Variants in SPATA6L observed in about 807,000 individuals in gnomAD.
SPATA6L encodes the protein spermatogenesis associated 6-like protein.
SPATA6L carries 68 observed loss-of-function variants against 49.2 expected under a neutral mutation model. The ratio of observed to expected loss-of-function variants is 1.38; its 90% confidence interval spans 1.14 to 1.69. The LOEUF is 1.69. SPATA6L is among the 40% of genes most tolerant of loss of function. The pLI, the probability that SPATA6L is intolerant of heterozygous loss-of-function variation, is 0.00. For synonymous variants in SPATA6L, 198 were observed against 165.7 expected, an observed-to-expected ratio of 1.19 and a Z score of -1.50; for missense variants, 668 against 464.3, an observed-to-expected ratio of 1.44 and a Z score of -4.03.
chr9:4,654,346 T>C (rs1837606663), intron 3 of SPATA6L, among the ~76,000 whole-genome samples: 1 of 152,186 alleles, frequency 6.6e-6, no homozygotes, highest in Non-Finnish European at 1.5e-5. Context: ...TCTTCAGTGC[T>C]CCGCTGCTCA....
intron 4 of SPATA6L, 47 bp downstream of exon 4, chr9:4,635,228 A>G (rs1564237530): frequency 6.8e-7 from 1 of 1,466,192 alleles, no homozygotes; most frequent in Non-Finnish European, 9.0e-7. Context: ...TTCAGGTCCC[A>G]AGAGTTTCTC....
intron 3 of SPATA6L, among the ~76,000 whole-genome samples, chr9:4,647,887 G>T (rs531422644): frequency 6.6e-6 from 1 of 151,362 alleles, no homozygotes; most frequent in Admixed American, 6.6e-5. Context: ...CAGGGTGGAG[G>T]GCAGTGGTGC....
intron 4 of SPATA6L, among the ~76,000 whole-genome samples, chr9:4,634,202 C>T (rs1442394916): frequency 6.6e-6 from 1 of 152,142 alleles, no homozygotes; most frequent in Non-Finnish European, 1.5e-5. Flanking sequence ...AACAGAGTAT[C>T]CCCTACCTAA....
intron 9 of SPATA6L, among the ~76,000 whole-genome samples, chr9:4,614,848 G>T (rs965279378): frequency 4.6e-5 from 7 of 152,180 alleles, no homozygotes; most frequent in South Asian, 2.1e-4. Flanking sequence ...CAAAGAATTT[G>T]CTGCCTCATC....
At chr9:4,630,998 T>C (rs570335310) in intron 4 of SPATA6L, among the ~76,000 whole-genome samples, 44 of 152,280 alleles carry the variant, frequency 2.9e-4, no homozygotes, top group Admixed American at 2.3e-3. Flanking sequence ...AGCTGCCTAA[T>C]AGATTTTCAA....
intron 3 of SPATA6L, among the ~76,000 whole-genome samples, chr9:4,648,968 T>C (rs1337741049): frequency 6.6e-6 from 1 of 152,136 alleles, no homozygotes; most frequent in Non-Finnish European, 1.5e-5. Context: ...AGAATAATAG[T>C]CTCCAATTTC....
At chr9:4,624,528 G>T (rs560895959) in intron 6 of SPATA6L, among the ~76,000 whole-genome samples, 286 of 152,212 alleles carry the variant, frequency 1.9e-3, no homozygotes, top group African/African-American at 6.4e-3. Flanking sequence ...AGGAGTTCGA[G>T]ACCAGCCTGA....
chr9:4,604,701 G>A (rs1430829395), intron 10 of SPATA6L, among the ~76,000 whole-genome samples: 1 of 152,190 alleles, frequency 6.6e-6, no homozygotes, highest in Non-Finnish European at 1.5e-5. Context: ...TCTAGCATAT[G>A]TCAGTATATA....
In SPATA6L at chr9:4,599,668, G is replaced by A. The variant is rs563827355; in HGVS notation, c.*1143C>T. On this transcript the variant is annotated 3_prime_UTR_variant, in exon 12 of 12. Coordinates refer to ENST00000682582, the MANE Select transcript of SPATA6L (RefSeq NM_001353486.2). Reference sequence around the variant, plus strand: ...CCTGGGTCAGAGATGGCGCCTTCTCGCTGTCTCCTCGCCAGTGGAAGGGGC... The same window carrying A: ...CCTGGGTCAGAGATGGCGCCTTCTCACTGTCTCCTCGCCAGTGGAAGGGGC... Among the ~76,000 whole-genome samples the A allele has an allele frequency of 5.3e-5, 8 of 152,248 alleles. No individual in the cohort carries two copies. The highest frequency in any genetic ancestry group is 1.4e-4 in the African/African-American group (6 of 41,550).
intron 2 of SPATA6L, among the ~76,000 whole-genome samples, chr9:4,656,809 A>G (rs1345081111): frequency 6.6e-6 from 1 of 152,180 alleles, no homozygotes; most frequent in African/African-American, 2.4e-5. Flanking sequence ...TCTGTATACA[A>G]CAGATACTCA....
intron 1 of SPATA6L, among the ~76,000 whole-genome samples, chr9:4,665,553 G>A (rs1840734581): frequency 6.6e-6 from 1 of 152,176 alleles, no homozygotes; most frequent in South Asian, 2.1e-4. Flanking sequence ...ATCATAGCCA[G>A]TAGAAAAGCC....
At chr9:4,647,562 G>C (rs1429880838) in intron 3 of SPATA6L, among the ~76,000 whole-genome samples, 1 of 152,082 alleles carries the variant, frequency 6.6e-6, no homozygotes, top group Non-Finnish European at 1.5e-5. Context: ...CTGCACTCCA[G>C]CCTTGGCAAT....
At chr9:4,628,942 T>G in intron 5 of SPATA6L, 149 bp downstream of exon 5, 1 of 623,620 alleles carries the variant, frequency 1.6e-6, no homozygotes, top group East Asian at 2.9e-5. Context: ...ACAGTTTGAA[T>G]TATAGAAATA....
At chr9:4,632,354 G>C (rs1252883405) in intron 4 of SPATA6L, among the ~76,000 whole-genome samples, 2 of 151,872 alleles carry the variant, frequency 1.3e-5, no homozygotes, top group East Asian at 3.9e-4. Context: ...CCAGCACTTT[G>C]GGAGGCCGAG....
chr9:4,600,550 T>G lies in SPATA6L; in HGVS notation c.*261A>C, dbSNP rs1452673500. ...GCACCTGCCACCCAACTACAGCGCT[T>G]TCTCTTTCATGTTCAAAACAAACAT... On this transcript the variant is annotated 3_prime_UTR_variant, in exon 12 of 12. Transcript: ENST00000682582. 1 of 141,672 alleles carries G rather than the reference T, an allele frequency of 7.1e-6. No individual in the cohort carries two copies. The highest frequency in any genetic ancestry group is 1.6e-5 in the Non-Finnish European group (1 of 63,970). 8.8% of individuals were successfully genotyped at this position (141,672 alleles called of 1,614,324 possible).
At chr9:4,633,556 C>G (rs959433027) in intron 4 of SPATA6L, 1 of 191,834 alleles carries the variant, frequency 5.2e-6, no homozygotes, top group African/African-American at 2.3e-5. Flanking sequence ...ACCCAAGATT[C>G]AGTGTCTCGT....
In SPATA6L at chr9:4,605,293, C is replaced by T. The variant is rs1824471711; in HGVS notation, c.1089+54G>A. ...TGTCTCCCCGACTAGACTGTAGGTC[C>T]CTGTTCACATATTATTTAGTGAGCA... is the stretch of plus-strand genomic sequence containing the variant. On this transcript the variant is annotated intron_variant, in intron 10 of 11. Coordinates refer to ENST00000682582, the MANE Select transcript of SPATA6L (RefSeq NM_001353486.2). 5 of 1,344,736 alleles carry T rather than the reference C, an allele frequency of 3.7e-6. No individual in the cohort carries two copies. The Admixed American group carries it at 6.8e-5, about 18-fold the overall frequency. The allele number at this position is 1,344,736 out of a possible 1,614,324, so 83.3% of individuals were successfully genotyped here.
intron 9 of SPATA6L, among the ~76,000 whole-genome samples, chr9:4,613,903 A>G (rs1049109339): frequency 1.4e-4 from 22 of 152,030 alleles, no homozygotes; most frequent in African/African-American, 4.6e-4. Flanking sequence ...AATGTTTAGG[A>G]GGAAGGAATA....
At chr9:4,631,255 G>T (rs144188674) in intron 4 of SPATA6L, among the ~76,000 whole-genome samples, 1 of 152,060 alleles carries the variant, frequency 6.6e-6, no homozygotes, top group African/African-American at 2.4e-5. Context: ...GGTGATAATG[G>T]TTGGTCAATA....
Sources: allele counts gnomAD v4.1 joint callset (sites outside exome capture counted in the v4.1 genomes callset), GRCh38; gene constraint gnomAD v4.1.1; transcripts MANE v1.5; gene names NCBI Gene and HGNC (gene_info 2026-07-23, HGNC 2026-07-21).